The following ST7 variants were observed in gnomAD, a reference collection of about 807,000 sequenced individuals.
ST7 encodes suppressor of tumorigenicity 7 protein.
A neutral mutation model predicts 78.7 loss-of-function variants in ST7; 28 were observed. That is an observed-to-expected ratio of 0.36 (90% CI 0.26 to 0.49). The LOEUF (loss-of-function observed/expected upper bound fraction) is 0.49, where lower values mean the gene tolerates loss of function less well. Among genes scored for constraint, ST7 ranks in the 20% least tolerant of loss-of-function variants. The pLI, the probability that ST7 is intolerant of heterozygous loss-of-function variation, is 0.99. For synonymous variants in ST7, 247 were observed against 249.6 expected (o/e 0.99, Z 0.10); for missense variants, 418 against 696.0 (o/e 0.60, Z 4.49).
chr7:117,131,913 C>A lies in ST7; in HGVS notation c.594C>A (p.Asn198Lys), dbSNP rs1267494094. Residue 198 changes from asparagine to lysine, a missense_variant, in exon 6 of 16, where the codon AAC (asparagine) becomes AAA (lysine). By Grantham distance (94) the Asn-to-Lys change is moderately conservative. Around this residue, in one of 4 missense-constraint regions of ST7, gnomAD observed 288 missense variants for 537.1 expected, o/e 0.54. Transcript: ENST00000323984. Reference protein sequence around the residue: ...AIMQKAWRERNPQARISAAHE... With the variant: ...AIMQKAWRERKPQARISAAHE... ...TGCAGAAAGCCTGGAGAGAGAGAAA[C>A]CCCCAAGCTAGGATTTCTGCAGCTC... 5.0e-6 allele frequency: 8 copies of A among 1,611,134 alleles called. No individual in the cohort carries two copies. Among genetic ancestry groups the A allele is most frequent in the African/African-American group, 1.3e-5 (1 of 74,686 alleles).
chr7:117,229,942 A>T lies in ST7; in HGVS notation c.*85A>T, dbSNP rs772771222. The stretch of plus-strand genomic sequence containing the variant: ...TCCTTGTGGACCGCAAGAAAGCATG[A>T]CTTTGAAAAAGGGAAGCCATTCCGA... On this transcript the variant is annotated 3_prime_UTR_variant, in exon 16 of 16. Coordinates refer to ENST00000323984, the MANE Select transcript of ST7 (RefSeq NM_001369598.1). 1 of 1,200,090 alleles carries T rather than the reference A, an allele frequency of 8.3e-7. No individual in the cohort carries two copies. Among genetic ancestry groups the T allele is most frequent in the Non-Finnish European group, 1.2e-6 (1 of 801,970 alleles). 74.3% of individuals were successfully genotyped at this position (1,200,090 alleles called of 1,614,324 possible).
intron 2 of ST7, among the ~76,000 whole-genome samples, chr7:117,113,309 A>G (rs1802583530): frequency 6.6e-6 from 1 of 152,204 alleles, no homozygotes. Context: ...TCTGCCTCTC[A>G]TAAGGTTTGC....
At chr7:117,089,598 A>G (rs1276992613) in intron 1 of ST7, among the ~76,000 whole-genome samples, 6 of 149,758 alleles carry the variant, frequency 4.0e-5, no homozygotes, top group African/African-American at 1.5e-4. Context: ...TTGAGATGGA[A>G]TCTCGCTCTG....
At chr7:116,996,698 G>A (rs375981916) in intron 1 of ST7, among the ~76,000 whole-genome samples, 2 of 152,150 alleles carry the variant, frequency 1.3e-5, no homozygotes, top group East Asian at 1.9e-4. Flanking sequence ...AAATATTTTA[G>A]TGTTTCCTCA....
chr7:117,104,345 C>T (rs535757574), intron 2 of ST7, among the ~76,000 whole-genome samples: 1 of 152,280 alleles, frequency 6.6e-6, no homozygotes, highest in South Asian at 2.1e-4. Flanking sequence ...GAGGCTGAGG[C>T]AGCAGAATCA....
intron 1 of ST7, among the ~76,000 whole-genome samples, chr7:117,095,491 TTAAA>T (rs1800961246): frequency 6.6e-6 from 1 of 152,214 alleles, no homozygotes; most frequent in Admixed American, 6.5e-5. Context: ...TACTGATTAA[TTAAA>T]TGAGAAGACT....
chr7:117,196,485 G>A (rs766935057), intron 12 of ST7, among the ~76,000 whole-genome samples: 2 of 151,906 alleles, frequency 1.3e-5, no homozygotes, highest in African/African-American at 4.8e-5. Context: ...ATTTTTTTGC[G>A]GTTTTGATTT....
intron 1 of ST7, among the ~76,000 whole-genome samples, chr7:117,016,566 T>C (rs769908605): frequency 2.0e-5 from 3 of 152,194 alleles, no homozygotes; most frequent in Non-Finnish European, 4.4e-5. Flanking sequence ...ACATTCTAAA[T>C]AGACATCAAG....
In ST7 at chr7:117,133,107, G is replaced by A. The variant is rs376138238; in HGVS notation, c.642-1017G>A. ...AGTGAATATAAGCTGGCTTCTAGTC[G>A]TCACTACTTTCTTTTTAAAGTGCTT... On this transcript the variant is annotated intron_variant, in intron 6 of 15. Transcript: ENST00000323984. Among the ~76,000 whole-genome samples the A allele has an allele frequency of 6.5e-4, 98 of 151,928 alleles. 1 individual carries two copies. In the East Asian group the frequency reaches 9.7e-3, roughly 15 times the overall value.
At chr7:117,097,908 A>ATATT in intron 1 of ST7, among the ~76,000 whole-genome samples, 1 of 30,012 alleles carries the variant, frequency 3.3e-5, no homozygotes, top group East Asian at 1.7e-3. Flanking sequence ...ATATATATAT[A>ATATT]TTTTTTTTTT....
At chr7:117,195,391 T>C (rs936034922) in intron 12 of ST7, among the ~76,000 whole-genome samples, 3 of 151,100 alleles carry the variant, frequency 2.0e-5, no homozygotes, top group African/African-American at 7.3e-5. Flanking sequence ...GTAAAAAATA[T>C]GTAATATGAG....
intron 1 of ST7, among the ~76,000 whole-genome samples, chr7:116,966,626 C>G (rs975903752): frequency 6.6e-6 from 1 of 152,186 alleles, no homozygotes; most frequent in Non-Finnish European, 1.5e-5. Flanking sequence ...TTATGGAAAT[C>G]TCTTTTTAGT....
At chr7:116,972,664 GT>G in intron 1 of ST7, 1 of 1,115,980 alleles carries the variant, frequency 9.0e-7, no homozygotes. Context: ...CTCATCAGCA[GT>G]TTTTTCCGCT....
At chr7:117,079,916 C>A (rs1044426704) in intron 1 of ST7, among the ~76,000 whole-genome samples, 3 of 146,784 alleles carry the variant, frequency 2.0e-5, no homozygotes, top group Non-Finnish European at 4.5e-5. Context: ...GAAAAAAAAT[C>A]ACTTACAGTT....
chr7:116,988,433 G>T (rs571446246), intron 1 of ST7, among the ~76,000 whole-genome samples: 1 of 152,106 alleles, frequency 6.6e-6, no homozygotes, highest in African/African-American at 2.4e-5. Context: ...GCAGTCTGCT[G>T]CATTTAGTTT....
In ST7 at chr7:116,953,709, G is replaced by C. The variant is rs781183397; in HGVS notation, c.151+18G>C. ...GAGCACAGGTAAGGCCTGGGAGCCGGGCCCGCGGCGCCCACCCCTCCCCCG... is the reference window on the plus strand; with the variant it reads ...GAGCACAGGTAAGGCCTGGGAGCCGCGCCCGCGGCGCCCACCCCTCCCCCG... On this transcript the variant is annotated intron_variant, in intron 1 of 15. Coordinates refer to ENST00000323984, the MANE Select transcript of ST7 (RefSeq NM_001369598.1). 5.6e-6 allele frequency: 8 copies of C among 1,426,892 alleles called. No homozygotes were observed. In the South Asian group the frequency reaches 1.1e-4, roughly 19 times the overall value. 88.4% of individuals were successfully genotyped at this position (1,426,892 alleles called of 1,614,324 possible). A position where few individuals can be genotyped will look rare whatever the true frequency, so the allele number is the denominator to read the frequency against.
At chr7:117,165,113 G>A (rs1807445007) in intron 9 of ST7, among the ~76,000 whole-genome samples, 2 of 152,188 alleles carry the variant, frequency 1.3e-5, no homozygotes, top group African/African-American at 4.8e-5. Context: ...GTAATAGTCT[G>A]GTTTGACAAG....
intron 2 of ST7, among the ~76,000 whole-genome samples, chr7:117,111,821 T>C (rs75034525): frequency 0.013 from 2,047 of 152,274 alleles, 48 homozygotes; most frequent in African/African-American, 0.046. Context: ...GTGTTTATTA[T>C]AGTGGAGAAA....
chr7:117,016,296 C>T (rs375277711), intron 1 of ST7, among the ~76,000 whole-genome samples: 2 of 152,024 alleles, frequency 1.3e-5, no homozygotes, highest in Non-Finnish European at 2.9e-5. Context: ...TTAGAAGGTT[C>T]GCTTTATGTG....
Sources: gnomAD v4.1 joint callset for allele counts (sites outside exome capture counted in the v4.1 genomes callset) on GRCh38, gnomAD v4.1.1 for gene constraint, gnomAD v4.1.1 regional missense constraint, MANE v1.5 for transcripts, NCBI Gene and HGNC (gene_info 2026-07-23, HGNC 2026-07-21) for gene names.